GLRB: variants seen among roughly 807,000 people sequenced by gnomAD.
GLRB encodes glycine receptor subunit beta.
A neutral mutation model predicts 54.2 loss-of-function variants in GLRB; 33 were observed. The ratio of observed to expected loss-of-function variants is 0.61; its 90% confidence interval spans 0.46 to 0.81. GLRB has a LOEUF of 0.81. GLRB is among the 40% of genes least tolerant of loss of function. The pLI is 0.00. For missense variants in GLRB, 572 were observed against 584.6 expected (o/e 0.98, Z 0.22); for synonymous variants, 209 against 208.2 (o/e 1.00, Z -0.03).
At chr4:157,149,863 T>G (rs1256745706) in intron 8 of GLRB, among the ~76,000 whole-genome samples, 2 of 152,014 alleles carry the variant, frequency 1.3e-5, no homozygotes, top group African/African-American at 4.8e-5. Flanking sequence ...CTCTTTTCTT[T>G]CCTTATTTTT....
intron 2 of GLRB, among the ~76,000 whole-genome samples, chr4:157,111,387 T>G (rs1463896822): frequency 6.6e-6 from 1 of 151,980 alleles, no homozygotes; most frequent in Non-Finnish European, 1.5e-5. Context: ...ACAGGAGAGA[T>G]AGAAGACAGT....
intron 4 of GLRB, among the ~76,000 whole-genome samples, chr4:157,131,324 T>C (rs1736208477): frequency 6.6e-6 from 1 of 151,790 alleles, no homozygotes; most frequent in Non-Finnish European, 1.5e-5. Context: ...GTAGACTCGA[T>C]GTAGACATTA....
At chr4:157,119,425 CA>C (rs1459372973) in intron 2 of GLRB, among the ~76,000 whole-genome samples, 1 of 151,384 alleles carries the variant, frequency 6.6e-6, no homozygotes. Context: ...ACACATTGTT[CA>C]AAAAATGTTC....
At chr4:157,109,568 A>G (rs1457976859) in intron 2 of GLRB, among the ~76,000 whole-genome samples, 1 of 151,902 alleles carries the variant, frequency 6.6e-6, no homozygotes, top group Non-Finnish European at 1.5e-5. Flanking sequence ...TTGTCCTATA[A>G]TTTATTTTTA....
intron 9 of GLRB, among the ~76,000 whole-genome samples, chr4:157,164,665 A>G (rs1737644278): frequency 6.6e-6 from 1 of 152,154 alleles, no homozygotes; most frequent in Non-Finnish European, 1.5e-5. Context: ...AAATGTAGTA[A>G]CAGAATACTA....
intron 8 of GLRB, among the ~76,000 whole-genome samples, chr4:157,147,062 A>G (rs1736839008): frequency 6.6e-6 from 1 of 152,186 alleles, no homozygotes; most frequent in Admixed American, 6.5e-5. Flanking sequence ...AGACACGTTA[A>G]GGTTCCAATG....
chr4:157,113,529 G>A (rs538936692), intron 2 of GLRB, among the ~76,000 whole-genome samples: 1 of 152,098 alleles, frequency 6.6e-6, no homozygotes, highest in South Asian at 2.1e-4. Flanking sequence ...GTGACCAACA[G>A]ATAGCCTTCA....
intron 2 of GLRB, among the ~76,000 whole-genome samples, chr4:157,100,090 A>C (rs1411656188): frequency 6.6e-6 from 1 of 152,136 alleles, no homozygotes; most frequent in African/African-American, 2.4e-5. Flanking sequence ...ATGCATTTTA[A>C]CTTTCTTAAC....
chr4:157,121,222 A>G (rs1482079271), intron 3 of GLRB, among the ~76,000 whole-genome samples: 1 of 151,744 alleles, frequency 6.6e-6, no homozygotes, highest in Non-Finnish European at 1.5e-5. Flanking sequence ...AGTCCACAAC[A>G]TAGATTATTT....
chr4:157,113,145 A>G (rs1391824681), intron 2 of GLRB, among the ~76,000 whole-genome samples: 1 of 151,490 alleles, frequency 6.6e-6, no homozygotes, highest in Non-Finnish European at 1.5e-5. Flanking sequence ...GTGTGTGTGT[A>G]ATTTTTCATA....
intron 2 of GLRB, among the ~76,000 whole-genome samples, chr4:157,102,998 C>T (rs1735089781): frequency 6.6e-6 from 1 of 151,914 alleles, no homozygotes; most frequent in African/African-American, 2.4e-5. Context: ...AACCCCGTCT[C>T]TACTAACTTG....
At chr4:157,084,754 T>C (rs2126430756) in intron 2 of GLRB, 1 of 454,910 alleles carries the variant, frequency 2.2e-6, no homozygotes, top group African/African-American at 2.0e-5. Flanking sequence ...TCATTGATTA[T>C]TCAATGCCAC....
intron 2 of GLRB, among the ~76,000 whole-genome samples, chr4:157,117,648 GTTC>G (rs1243733226): frequency 2.0e-5 from 3 of 151,570 alleles, no homozygotes; most frequent in African/African-American, 4.8e-5. Flanking sequence ...AGGACAAAAT[GTTC>G]TTCTTCCTCT....
At chr4:157,143,675 CTT>C (rs965337199) in intron 7 of GLRB, 130 bp from the exon 8 acceptor site, 1 of 884,414 alleles carries the variant, frequency 1.1e-6, no homozygotes, top group African/African-American at 1.7e-5. Flanking sequence ...CAAAGAAAAA[CTT>C]TTTTTTGAGG....
At chr4:157,120,947 A>C (rs2126531335) in intron 3 of GLRB, among the ~76,000 whole-genome samples, 1 of 151,810 alleles carries the variant, frequency 6.6e-6, no homozygotes, top group East Asian at 1.9e-4. Flanking sequence ...GGGTTTTCTA[A>C]GTACTATTCT....
chr4:157,090,855 T>C (rs982516771), intron 2 of GLRB, among the ~76,000 whole-genome samples: 3 of 152,234 alleles, frequency 2.0e-5, no homozygotes, highest in African/African-American at 7.2e-5. Flanking sequence ...TGGAAAGCTG[T>C]CAAACTCATG....
chr4:157,119,442 T>TGTTTTTTTCTCATTGTGTGCACTC (rs1735722782), intron 2 of GLRB, among the ~76,000 whole-genome samples: 1 of 151,598 alleles, frequency 6.6e-6, no homozygotes, highest in Non-Finnish European at 1.5e-5. Flanking sequence ...TGTTCTTTGT[T>TGTTTTTTTCTCATTGTGTGCACTC]GTTTTTTTCT....
chr4:157,164,138 A>G (rs917150507), intron 9 of GLRB, among the ~76,000 whole-genome samples: 5 of 149,646 alleles, frequency 3.3e-5, no homozygotes, highest in African/African-American at 4.9e-5. Context: ...TATTCCCTTT[A>G]CCAGTATTTT....
intron 2 of GLRB, among the ~76,000 whole-genome samples, chr4:157,086,433 T>C (rs58641951): frequency 0.019 from 2,865 of 152,298 alleles, 185 homozygotes; most frequent in East Asian, 0.12. Flanking sequence ...GGTGAGTATA[T>C]TACCTGAAGC....
Sources: allele counts gnomAD v4.1 joint callset (sites outside exome capture counted in the v4.1 genomes callset), GRCh38; gene constraint gnomAD v4.1.1; transcripts MANE v1.5; gene names NCBI Gene and HGNC (gene_info 2026-07-23, HGNC 2026-07-21).